Variants in UBE2E2 observed in about 807,000 individuals in gnomAD.
The protein encoded by UBE2E2 is ubiquitin conjugating enzyme E2 E2.
Under a neutral mutation model 24.7 loss-of-function variants are expected in UBE2E2, and 6 were observed. The observed-to-expected ratio is 0.24, with a 90% CI of 0.13 to 0.48. The LOEUF is 0.48. Ranked by LOEUF, UBE2E2 falls within the 20% of genes least tolerant of loss-of-function variation. The pLI is 0.99. For synonymous variants in UBE2E2, 104 were observed against 83.6 expected, an observed-to-expected ratio of 1.24 and a Z score of -1.33; for missense variants, 169 against 245.0, an observed-to-expected ratio of 0.69 and a Z score of 2.07.
chr3:23,340,968 T>C (rs1695368866), intron 3 of UBE2E2, among the ~76,000 whole-genome samples: 1 of 152,198 alleles, frequency 6.6e-6, no homozygotes, highest in Non-Finnish European at 1.5e-5. Flanking sequence ...GGGAGAGTTT[T>C]AGATTCCTTA....
intron 3 of UBE2E2, among the ~76,000 whole-genome samples, chr3:23,461,831 A>G (rs944951250): frequency 2.0e-5 from 3 of 152,206 alleles, no homozygotes; most frequent in Non-Finnish European, 4.4e-5. Flanking sequence ...TCTTGATTAC[A>G]TTGCATGTTC....
At chr3:23,226,334 A>C (rs948431425) in intron 3 of UBE2E2, among the ~76,000 whole-genome samples, 1 of 152,198 alleles carries the variant, frequency 6.6e-6, no homozygotes, top group African/African-American at 2.4e-5. Context: ...ACCAATGCAA[A>C]ATCTAATTAT....
chr3:23,554,726 A>T (rs903312858), intron 5 of UBE2E2, among the ~76,000 whole-genome samples: 1 of 152,144 alleles, frequency 6.6e-6, no homozygotes, highest in Non-Finnish European at 1.5e-5. Context: ...AAATAAATGT[A>T]ACTACATCAA....
chr3:23,565,279 A>T (rs1320508201), intron 5 of UBE2E2, among the ~76,000 whole-genome samples: 1 of 151,994 alleles, frequency 6.6e-6, no homozygotes, highest in Non-Finnish European at 1.5e-5. Flanking sequence ...AATTAGCCAA[A>T]TAGGGAGGGA....
At chr3:23,386,771 T>C (rs1046421807) in intron 3 of UBE2E2, among the ~76,000 whole-genome samples, 6 of 152,070 alleles carry the variant, frequency 3.9e-5, no homozygotes, top group Non-Finnish European at 8.8e-5. Flanking sequence ...GAGTAGGGAG[T>C]AGAATTTTGA....
intron 3 of UBE2E2, among the ~76,000 whole-genome samples, chr3:23,317,986 G>A (rs978830016): frequency 2.6e-5 from 4 of 151,678 alleles, no homozygotes; most frequent in African/African-American, 9.7e-5. Flanking sequence ...TGTTCCTGTA[G>A]GGACGACAAT....
At chr3:23,526,094 A>T (rs187506067) in intron 4 of UBE2E2, among the ~76,000 whole-genome samples, 26 of 152,324 alleles carry the variant, frequency 1.7e-4, no homozygotes, top group African/African-American at 5.3e-4. Flanking sequence ...CCTTGATTGT[A>T]GAACATGTTT....
chr3:23,300,088 C>G (rs1201484756), intron 3 of UBE2E2, among the ~76,000 whole-genome samples: 1 of 152,140 alleles, frequency 6.6e-6, no homozygotes, highest in African/African-American at 2.4e-5. Context: ...TCTGTTTTAT[C>G]AGAGACTAGG....
intron 2 of UBE2E2, among the ~76,000 whole-genome samples, chr3:23,210,680 G>A (rs577874839): frequency 1.3e-5 from 2 of 152,290 alleles, no homozygotes; most frequent in African/African-American, 2.4e-5. Flanking sequence ...TGTGCAGAGC[G>A]CAGCGCAGTG....
chr3:23,257,794 A>G (rs1285035719), intron 3 of UBE2E2, among the ~76,000 whole-genome samples: 5 of 151,988 alleles, frequency 3.3e-5, no homozygotes, highest in Admixed American at 1.3e-4. Flanking sequence ...GGGAAAATTT[A>G]TAGTATATAG....
At chr3:23,569,494 A>G (rs768229973) in intron 5 of UBE2E2, among the ~76,000 whole-genome samples, 1 of 152,226 alleles carries the variant, frequency 6.6e-6, no homozygotes, top group Non-Finnish European at 1.5e-5. Context: ...TTACATCTCA[A>G]TAAAGCTGTT....
chr3:23,560,112 C>T (rs1695885656), intron 5 of UBE2E2, among the ~76,000 whole-genome samples: 1 of 151,916 alleles, frequency 6.6e-6, no homozygotes, highest in Non-Finnish European at 1.5e-5. Flanking sequence ...GCACAACGTG[C>T]AGGTTTGTTA....
At chr3:23,394,547 A>G (rs535069015) in intron 3 of UBE2E2, among the ~76,000 whole-genome samples, 1 of 152,262 alleles carries the variant, frequency 6.6e-6, no homozygotes, top group South Asian at 2.1e-4. Context: ...GGAAGACAAA[A>G]TCTGTTTGAT....
At chr3:23,221,916 A>G (rs569019777) in intron 3 of UBE2E2, among the ~76,000 whole-genome samples, 41 of 152,316 alleles carry the variant, frequency 2.7e-4, no homozygotes, top group African/African-American at 9.1e-4. Context: ...TAAAATATAC[A>G]TACATGATTT....
intron 3 of UBE2E2, among the ~76,000 whole-genome samples, chr3:23,409,603 A>T (rs1447757264): frequency 6.6e-6 from 1 of 152,132 alleles, no homozygotes; most frequent in Non-Finnish European, 1.5e-5. Context: ...ACTATTACTG[A>T]TGTGTGTTCT....
At chr3:23,477,344 G>T (rs1431579454) in intron 3 of UBE2E2, among the ~76,000 whole-genome samples, 1 of 152,136 alleles carries the variant, frequency 6.6e-6, no homozygotes, top group Non-Finnish European at 1.5e-5. Flanking sequence ...AGCTAAATGT[G>T]TACCACATTT....
intron 3 of UBE2E2, among the ~76,000 whole-genome samples, chr3:23,332,185 C>T (rs1695076410): frequency 6.6e-6 from 1 of 152,000 alleles, no homozygotes; most frequent in South Asian, 2.1e-4. Flanking sequence ...TTTCGGTCGC[C>T]CAGGCAAGAG....
At chr3:23,269,660 T>G (rs564158009) in intron 3 of UBE2E2, among the ~76,000 whole-genome samples, 1 of 152,090 alleles carries the variant, frequency 6.6e-6, no homozygotes, top group Non-Finnish European at 1.5e-5. Context: ...AAGAGCAGCT[T>G]TTAGTAGATA....
chr3:23,257,519 C>T, intron 3 of UBE2E2, among the ~76,000 whole-genome samples: 1 of 63,746 alleles, frequency 1.6e-5, no homozygotes, highest in Non-Finnish European at 3.3e-5. Context: ...CGTGCCCCCC[C>T]CCCCCCCCCA....
Sources: gnomAD v4.1 joint callset for allele counts (sites outside exome capture counted in the v4.1 genomes callset) on GRCh38, gnomAD v4.1.1 for gene constraint, MANE v1.5 for transcripts, NCBI Gene and HGNC (gene_info 2026-07-23, HGNC 2026-07-21) for gene names.